The following LYST variants were observed in gnomAD, a reference collection of about 807,000 sequenced individuals.
LYST encodes lysosomal trafficking regulator.
LYST carries 192 observed loss-of-function variants against 413.6 expected under a neutral mutation model. The observed-to-expected ratio is 0.46, with a 90% CI of 0.41 to 0.52. LYST has a LOEUF of 0.52. LYST is among the 20% of genes least tolerant of loss of function. The probability of loss-of-function intolerance (pLI) is 0.00; values close to 1 mark genes in which losing one functional copy is unlikely to be tolerated. For synonymous variants in LYST, 1,525 were observed against 1,567.3 expected, an observed-to-expected ratio of 0.97 and a Z score of 0.64; for missense variants, 3,815 against 4,499.9, an observed-to-expected ratio of 0.85 and a Z score of 4.35.
At chr1:235,672,322 A>C (rs1314175772) in intron 50 of LYST, among the ~76,000 whole-genome samples, 3 of 152,194 alleles carry the variant, frequency 2.0e-5, no homozygotes, top group African/African-American at 7.2e-5. Context: ...AGAGAAGAGA[A>C]GGTAGCAAAA....
At chr1:235,866,302 G>C (rs1383705831) in intron 1 of LYST, among the ~76,000 whole-genome samples, 1 of 152,170 alleles carries the variant, frequency 6.6e-6, no homozygotes, top group Non-Finnish European at 1.5e-5. Flanking sequence ...CAGGAGGAAA[G>C]AGCGGACCGA....
chr1:235,779,310 T>C (rs1669625520), intron 16 of LYST, among the ~76,000 whole-genome samples: 1 of 152,238 alleles, frequency 6.6e-6, no homozygotes, highest in Non-Finnish European at 1.5e-5. Context: ...TGTTGAGTTT[T>C]GTAACTTATA....
intron 4 of LYST, among the ~76,000 whole-genome samples, chr1:235,811,140 G>T (rs1673411907): frequency 1.3e-5 from 2 of 152,170 alleles, no homozygotes; most frequent in Non-Finnish European, 2.9e-5. Context: ...GTGAGACTCT[G>T]TCTCAAAACA....
At position 235,686,164 on chromosome 1, in the gene LYST, C is replaced by T. The variant is rs1183003985; in HGVS notation, c.10800+785G>A. Among the ~76,000 whole-genome samples the T allele has an allele frequency of 3.3e-5, 5 of 151,750 alleles. No homozygotes were observed. The highest frequency in any genetic ancestry group is 9.7e-5 in the African/African-American group (4 of 41,298). Reference sequence around the variant, plus strand: ...GGAGGATCACTTGAAGCCAGGAGTTCGAGACCAGCCTGGCCAACATGGCAA... The same window carrying T: ...GGAGGATCACTTGAAGCCAGGAGTTTGAGACCAGCCTGGCCAACATGGCAA... On this transcript the variant is annotated intron_variant, in intron 48 of 52. Transcript: ENST00000389793. The surrounding 1 kb of genome is among the most constrained non-coding windows in gnomAD (Gnocchi z 4.0).
In LYST at chr1:235,809,230, T is replaced by C; in HGVS notation, c.1588A>G (p.Lys530Glu). 1 of 1,613,960 alleles carries C rather than the reference T, an allele frequency of 6.2e-7. No homozygotes were observed. Among genetic ancestry groups the C allele is most frequent in the Non-Finnish European group, 8.5e-7 (1 of 1,179,976 alleles). ...LVSAFKNQVS[K>E]NPFEETADGD... ...TCTGCAGTCTCTTCAAATGGGTTTT[T>C]GGAAACCTGGTTTTTAAAAGCCGAA... Residue 530 changes from lysine to glutamate, a missense_variant, in exon 5 of 53, where the codon AAA (lysine) becomes GAA (glutamate). Transcript: ENST00000389793. The surrounding 1 kb of genome is among the most constrained non-coding windows in gnomAD (Gnocchi z 4.0).
intron 31 of LYST, chr1:235,737,956 C>CA: frequency 3.9e-6 from 5 of 1,267,918 alleles, no homozygotes; most frequent in South Asian, 2.6e-5. Context: ...ACCCGCCGGA[C>CA]GTGCATTCTC....
chr1:235,740,644 G>A (rs528613219), intron 31 of LYST, among the ~76,000 whole-genome samples: 118 of 152,250 alleles, frequency 7.8e-4, no homozygotes, highest in African/African-American at 2.8e-3. Context: ...CTGTAGAATA[G>A]TCTATACAGA....
upstream of LYST, among the ~76,000 whole-genome samples, chr1:235,869,682 G>A (rs979537646): frequency 6.6e-6 from 1 of 152,116 alleles, no homozygotes; most frequent in African/African-American, 2.4e-5. Flanking sequence ...AATTATTTGT[G>A]ACTAAATGGA....
chr1:235,800,045 C>T (rs1376822407), intron 10 of LYST, among the ~76,000 whole-genome samples: 1 of 142,610 alleles, frequency 7.0e-6, no homozygotes, highest in East Asian at 2.1e-4. Context: ...CAGCCTTGGC[C>T]TCCTGGGCCT....
At chr1:235,688,809 C>T (rs559350553) in intron 47 of LYST, among the ~76,000 whole-genome samples, 1 of 151,886 alleles carries the variant, frequency 6.6e-6, no homozygotes, top group African/African-American at 2.4e-5. Context: ...ATGGTGAAAC[C>T]CCGTCTCTAC....
chr1:235,805,880 CG>C lies in LYST; in HGVS notation c.3255del (p.Glu1086ArgfsTer57). The C allele has an allele frequency of 6.2e-7, 1 of 1,613,672 alleles. No individual in the cohort carries two copies. Among genetic ancestry groups the C allele is most frequent in the Non-Finnish European group, 8.5e-7 (1 of 1,179,884 alleles). On this transcript the variant is annotated frameshift_variant, in exon 6 of 53. Coordinates refer to ENST00000389793, the MANE Select transcript of LYST (RefSeq NM_000081.4). LOFTEE classifies it high-confidence loss of function. The part of the protein sequence containing the change: ...VEEVSATEAA[P>X]EEAKLFTSQE... The stretch of plus-strand genomic sequence containing the variant: ...TGACTTGTAAATAGCTTTGCTTCCT[CG>C]GGAGCGGCTTCAGTAGCTGAAACTT...
At chr1:235,839,239 G>A (rs754477010) in intron 1 of LYST, among the ~76,000 whole-genome samples, 1 of 150,858 alleles carries the variant, frequency 6.6e-6, no homozygotes, top group African/African-American at 2.5e-5. Flanking sequence ...ATGTGTGGGT[G>A]TATGTGTGCA....
At chr1:235,725,326 C>T (rs1322922957) in intron 38 of LYST, among the ~76,000 whole-genome samples, 3 of 151,820 alleles carry the variant, frequency 2.0e-5, no homozygotes, top group East Asian at 1.9e-4. Flanking sequence ...TCCAGCTACT[C>T]GGGAGGCTGA....
At chr1:235,743,149 A>G (rs1021665552) in intron 30 of LYST, among the ~76,000 whole-genome samples, 5 of 152,222 alleles carry the variant, frequency 3.3e-5, no homozygotes, top group Non-Finnish European at 7.3e-5. Flanking sequence ...TTTACCATAG[A>G]GTATTCCCTA....
intron 29 of LYST, among the ~76,000 whole-genome samples, chr1:235,744,628 G>T (rs1011818296): frequency 8.6e-5 from 13 of 151,650 alleles, no homozygotes; most frequent in African/African-American, 3.2e-4. Context: ...TGCTGGGGAC[G>T]ATGGCTCATG....
At chr1:235,746,215 T>C (rs2103280242) in intron 29 of LYST, 121 bp downstream of exon 29, 1 of 795,158 alleles carries the variant, frequency 1.3e-6, no homozygotes, top group South Asian at 1.5e-5. Flanking sequence ...CTTAATACTA[T>C]GGATGTTAAG....
rs770962889 is a variant in LYST, at chr1:235,810,435, G to T, written c.383C>A (p.Ala128Asp). Residue 128 changes from alanine (A) to aspartate (D), a missense_variant, in exon 5 of 53, where the codon GCC becomes GAC. By Grantham distance (126) the Ala-to-Asp change is moderately radical. Coordinates refer to ENST00000389793, the MANE Select transcript of LYST (RefSeq NM_000081.4). ...TQEKLHLEGS[A>D]LSSQVSAKVN... The stretch of plus-strand genomic sequence containing the variant: ...TTTTGCAGAAACCTGACTAGACAGG[G>T]CACTTCCTTCTAAATGTAATTTTTC... The T allele has an allele frequency of 6.2e-7, 1 of 1,610,686 alleles. No individual in the cohort carries two copies. Among genetic ancestry groups the T allele is most frequent in the South Asian group, 1.1e-5 (1 of 90,300 alleles).
intron 3 of LYST, among the ~76,000 whole-genome samples, chr1:235,818,786 T>C (rs138030685): frequency 6.6e-6 from 1 of 152,324 alleles, no homozygotes; most frequent in Non-Finnish European, 1.5e-5. Context: ...GGACACGCTG[T>C]ACTGATAATT....
intron 34 of LYST, among the ~76,000 whole-genome samples, chr1:235,732,083 G>T: frequency 6.6e-6 from 1 of 150,978 alleles, no homozygotes. Flanking sequence ...TTTAAAACGT[G>T]CATCTGTTTT....
Sources: gnomAD v4.1 joint callset for allele counts (sites outside exome capture counted in the v4.1 genomes callset) on GRCh38, gnomAD v4.1.1 for gene constraint, Gnocchi (gnomAD v3.1) non-coding constraint, MANE v1.5 for transcripts, NCBI Gene and HGNC (gene_info 2026-07-23, HGNC 2026-07-21) for gene names.